Variants in POLE2 observed in about 807,000 individuals in gnomAD.
The protein encoded by POLE2 is DNA polymerase epsilon subunit 2.
POLE2 carries 56 observed loss-of-function variants against 79.4 expected under a neutral mutation model. The ratio of observed to expected loss-of-function variants is 0.71; its 90% CI spans 0.57 to 0.88. POLE2 has a LOEUF of 0.88. POLE2 is among the 40% of genes least tolerant of loss of function. The pLI is 0.00. For synonymous variants in POLE2, 212 were observed against 214.0 expected (o/e 0.99, Z 0.08); for missense variants, 598 against 638.9 (o/e 0.94, Z 0.69).
intron 3 of POLE2, among the ~76,000 whole-genome samples, chr14:49,678,410 G>T (rs536036921): frequency 1.3e-3 from 194 of 152,214 alleles, no homozygotes; most frequent in African/African-American, 4.4e-3. Context: ...TATGGTACAT[G>T]GCTCTGTGCA....
At position 49,674,129 on chromosome 14, in the gene POLE2, CA is replaced by C; in HGVS notation, c.410del (p.Leu137CysfsTer15). Reference sequence around the variant, plus strand: ...CGCCCCCTACCAAACTTACCTGGTGCAAAATGGTATATCGCTCACGAAACAT... The same window carrying C: ...CGCCCCCTACCAAACTTACCTGGTGCAAATGGTATATCGCTCACGAAACAT... ...AEMFRERYTI[L>X]HQRTHRHELF... On this transcript the variant is annotated frameshift_variant, in exon 5 of 19. Coordinates refer to ENST00000216367, the MANE Select transcript of POLE2 (RefSeq NM_002692.4). LOFTEE classifies it high-confidence loss of function. 1 of 1,603,578 alleles carries C rather than the reference CA, an allele frequency of 6.2e-7. No individual in the cohort carries two copies. The highest frequency in any genetic ancestry group is 8.5e-7 in the Non-Finnish European group (1 of 1,170,470).
intron 1 of POLE2, among the ~76,000 whole-genome samples, chr14:49,686,945 C>G (rs1051810972): frequency 3.3e-5 from 5 of 152,050 alleles, no homozygotes; most frequent in Admixed American, 6.6e-5. Context: ...AAAACTGATA[C>G]AGAGAGGTAT....
intron 16 of POLE2, 28 bp from the exon 17 acceptor site, chr14:49,650,469 CTTCAG>C: frequency 7.4e-7 from 1 of 1,353,104 alleles, no homozygotes; most frequent in East Asian, 2.8e-5. Flanking sequence ...ACAAAGCAAA[CTTCAG>C]TTCATTTGCA....
At chr14:49,646,302 GTTTTTTT>G (rs1162033821) in intron 18 of POLE2, among the ~76,000 whole-genome samples, 2 of 84,552 alleles carry the variant, frequency 2.4e-5, no homozygotes, top group Non-Finnish European at 4.1e-5. Flanking sequence ...TTTTTTGTTG[GTTTTTTT>G]TTTTTTTTTT....
rs1883556835 is a variant in POLE2, at chr14:49,643,712, T to A, written c.1566-42A>T. On this transcript the variant is annotated intron_variant, in intron 18 of 18. Coordinates refer to ENST00000216367, the MANE Select transcript of POLE2 (RefSeq NM_002692.4). ...AAATTAAATATTTGGAAACCTAAGT[T>A]GTATACTTACTAATAGTTGTAGTTA... 3.9e-6 allele frequency: 4 copies of A among 1,028,416 alleles called. No individual in the cohort carries two copies. In the East Asian group the frequency reaches 9.7e-5, roughly 25 times the overall value. The allele number at this position is 1,028,416 out of a possible 1,614,324, so 63.7% of individuals were successfully genotyped here.
chr14:49,643,638 G>A lies in POLE2; in HGVS notation c.*14C>T. 2 of 1,351,538 alleles carry A rather than the reference G, an allele frequency of 1.5e-6. No individual in the cohort carries two copies. Among genetic ancestry groups the A allele is most frequent in the Non-Finnish European group, 2.1e-6 (2 of 966,016 alleles). The allele number at this position is 1,351,538 out of a possible 1,614,324, so 83.7% of individuals were successfully genotyped here. A position where few individuals can be genotyped will look rare whatever the true frequency, so the allele number is the denominator to read the frequency against. On this transcript the variant is annotated 3_prime_UTR_variant, in exon 19 of 19. Coordinates refer to ENST00000216367, the MANE Select transcript of POLE2 (RefSeq NM_002692.4). ...GAAAACTGATGAATTTTCTTCAGAT[G>A]ATCTTTAAGAATCTCAAAAGCCTTG...
At position 49,643,576 on chromosome 14, in the gene POLE2, T is replaced by A. The variant is rs552574990; in HGVS notation, c.*76A>T. The A allele has an allele frequency of 1.2e-4, 94 of 775,682 alleles. No homozygotes were observed. The East Asian group carries it at 2.6e-3, about 21-fold the overall frequency. 48.0% of individuals were successfully genotyped at this position (775,682 alleles called of 1,614,324 possible). A position where few individuals can be genotyped will look rare whatever the true frequency, so the allele number is the denominator to read the frequency against. On this transcript the variant is annotated 3_prime_UTR_variant, in exon 19 of 19. Coordinates refer to ENST00000216367, the MANE Select transcript of POLE2 (RefSeq NM_002692.4). ...ATCCTAAAGTTTACCATAATTTTATTGTAATATCAGAATCACATAAGATAT... is the reference window on the plus strand; with the variant it reads ...ATCCTAAAGTTTACCATAATTTTATAGTAATATCAGAATCACATAAGATAT...
At chr14:49,680,076 T>C (rs546416517) in intron 2 of POLE2, among the ~76,000 whole-genome samples, 2 of 152,288 alleles carry the variant, frequency 1.3e-5, no homozygotes, top group South Asian at 4.2e-4. Flanking sequence ...TGAGCTAGGG[T>C]CGGTGGCTCA....
chr14:49,687,486 T>C (rs1260396485), intron 1 of POLE2, among the ~76,000 whole-genome samples: 1 of 152,020 alleles, frequency 6.6e-6, no homozygotes, highest in Non-Finnish European at 1.5e-5. Context: ...AAGTGGGCTT[T>C]CTCGGGTCTC....
intron 2 of POLE2, chr14:49,681,484 AGAG>A (rs1299016129): frequency 6.6e-6 from 1 of 152,558 alleles, no homozygotes; most frequent in African/African-American, 2.4e-5. Flanking sequence ...ATGAAGAAAG[AGAG>A]GAGGGGCCAG....
In POLE2 at chr14:49,651,332, TAA is replaced by T; in HGVS notation, c.1255_1256del (p.Leu419SerfsTer3). On this transcript the variant is annotated frameshift_variant, in exon 16 of 19. Transcript: ENST00000216367. LOFTEE classifies it high-confidence loss of function. ...TQEITVFRED[L>X]VNKMCRNCVR... is the part of the protein sequence containing the mutation. Reference sequence around the variant, plus strand: ...CGCAGTTTCTGCACATTTTATTTACTAAGTCTTCACGGAAGACAGTAATTTCC... The same window carrying T: ...CGCAGTTTCTGCACATTTTATTTACTGTCTTCACGGAAGACAGTAATTTCC... 1 of 1,601,438 alleles carries T rather than the reference TAA, an allele frequency of 6.2e-7. No homozygotes were observed. The highest frequency in any genetic ancestry group is 8.6e-7 in the Non-Finnish European group (1 of 1,169,364).
intron 1 of POLE2, among the ~76,000 whole-genome samples, chr14:49,685,082 G>A (rs1887031450): frequency 1.3e-5 from 2 of 152,154 alleles, no homozygotes; most frequent in Admixed American, 6.5e-5. Flanking sequence ...ATGCCATTCT[G>A]TATTTGTAGC....
Position 49,651,261 on chromosome 14 carries a change from T to TCA in POLE2, c.1320+6_1320+7dup, listed in dbSNP as rs758125317. ...AAGGCAGTTTAATAAAAAAGTTGTT[T>TCA]CACTTACGTGATTAGGAATAGCCAA... On this transcript the variant is annotated splice_region_variant and intron_variant, in intron 16 of 18. Transcript: ENST00000216367. 14 of 1,383,894 alleles carry TCA rather than the reference T, an allele frequency of 1.0e-5. No homozygotes were observed. In the African/African-American group the frequency reaches 1.7e-4, roughly 17 times the overall value. The allele number at this position is 1,383,894 out of a possible 1,614,324, so 85.7% of individuals were successfully genotyped here. A position where few individuals can be genotyped will look rare whatever the true frequency, so the allele number is the denominator to read the frequency against.
chr14:49,668,457 G>GAA (rs76534465), intron 6 of POLE2, among the ~76,000 whole-genome samples: 4 of 77,478 alleles, frequency 5.2e-5, no homozygotes, highest in Non-Finnish European at 8.4e-5. Context: ...TCTATCAAAA[G>GAA]AAAAAAAAAA....
At chr14:49,647,465 ATT>A (rs372091294) in intron 17 of POLE2, 105 bp from the exon 18 acceptor site, 3 of 345,396 alleles carry the variant, frequency 8.7e-6, no homozygotes, top group Non-Finnish European at 1.5e-5. Flanking sequence ...TTATTTATTT[ATT>A]TTTTTTTTGA....
intron 18 of POLE2, among the ~76,000 whole-genome samples, chr14:49,646,026 C>T (rs1056180311): frequency 3.3e-5 from 5 of 152,144 alleles, no homozygotes; most frequent in Admixed American, 1.3e-4. Flanking sequence ...GGCTGACAGC[C>T]CTCAGAGTTG....
At chr14:49,677,155 G>C (rs1886338384) in intron 3 of POLE2, among the ~76,000 whole-genome samples, 1 of 152,218 alleles carries the variant, frequency 6.6e-6, no homozygotes, top group African/African-American at 2.4e-5. Flanking sequence ...CAGCAGGACT[G>C]GGAGGAGGCC....
At chr14:49,680,241 T>C (rs1470742447) in intron 2 of POLE2, among the ~76,000 whole-genome samples, 1 of 151,824 alleles carries the variant, frequency 6.6e-6, no homozygotes, top group African/African-American at 2.4e-5. Context: ...TCCCAGATAC[T>C]CAGGAGGCCA....
At chr14:49,653,923 G>A (rs1322093659) in intron 15 of POLE2, 67 bp downstream of exon 15, 29 of 904,198 alleles carry the variant, frequency 3.2e-5, no homozygotes, top group Middle Eastern at 3.3e-4. Flanking sequence ...TTACAGACAT[G>A]AGCCACCACA....
Sources: gnomAD v4.1 joint callset for allele counts (sites outside exome capture counted in the v4.1 genomes callset) on GRCh38, gnomAD v4.1.1 for gene constraint, MANE v1.5 for transcripts, NCBI Gene and HGNC (gene_info 2026-07-23, HGNC 2026-07-21) for gene names.